Variants in ZBTB20 observed in about 807,000 individuals in gnomAD.
The protein encoded by ZBTB20 is zinc finger and BTB domain-containing protein 20.
In ZBTB20, 9 loss-of-function variants were observed where a neutral mutation model predicts 56.9. The ratio of observed to expected loss-of-function variants is 0.16; its 90% CI spans 0.10 to 0.28. ZBTB20 has a LOEUF of 0.28. Among genes scored for constraint, ZBTB20 ranks in the 10% least tolerant of loss-of-function variants. The pLI is 1.00. For synonymous variants in ZBTB20, 417 were observed against 420.7 expected (o/e 0.99, Z 0.11); for missense variants, 655 against 1,003.0 (o/e 0.65, Z 4.69).
At chr3:114,573,724 C>T (rs1222707742) in intron 6 of ZBTB20, among the ~76,000 whole-genome samples, 1 of 151,934 alleles carries the variant, frequency 6.6e-6, no homozygotes, top group Non-Finnish European at 1.5e-5. Flanking sequence ...TTTGGGGAAA[C>T]TGAAAATCTA....
intron 7 of ZBTB20, among the ~76,000 whole-genome samples, chr3:114,465,727 G>T (rs921247136): frequency 7.9e-5 from 12 of 151,270 alleles, no homozygotes; most frequent in Admixed American, 2.6e-4. Context: ...AAGAAAGAAA[G>T]AAAAGAAAGG....
chr3:114,477,305 C>T (rs560080236), intron 7 of ZBTB20, among the ~76,000 whole-genome samples: 2 of 152,176 alleles, frequency 1.3e-5, no homozygotes, highest in African/African-American at 4.8e-5. Flanking sequence ...TACTGGGCTA[C>T]ATGTTTGATG....
intron 2 of ZBTB20, among the ~76,000 whole-genome samples, chr3:114,992,234 G>C (rs1386340572): frequency 6.6e-6 from 1 of 151,908 alleles, no homozygotes; most frequent in Non-Finnish European, 1.5e-5. Flanking sequence ...AAATATGTCA[G>C]CAACTGAAAA....
In ZBTB20 at chr3:114,707,571, T is replaced by A. The variant is rs555106785; in HGVS notation, c.-342-13996A>T. The stretch of plus-strand genomic sequence containing the variant: ...GCCCGACCCTTTCCCTAGAACAGTT[T>A]TGAAAATGTCGGGAACTCAAAGCTA... On this transcript the variant is annotated intron_variant, in intron 5 of 11. Coordinates refer to ENST00000675478, the MANE Select transcript of ZBTB20 (RefSeq NM_001348800.3). Among the ~76,000 whole-genome samples, 4 of 152,284 alleles carry A rather than the reference T, an allele frequency of 2.6e-5. No individual in the cohort carries two copies. The East Asian group carries it at 7.7e-4, about 29-fold the overall frequency.
At chr3:114,918,546 T>C (rs2075834148) in intron 3 of ZBTB20, among the ~76,000 whole-genome samples, 1 of 152,122 alleles carries the variant, frequency 6.6e-6, no homozygotes, top group Non-Finnish European at 1.5e-5. Context: ...TGCTGCTGAT[T>C]AGGAAAGGCC....
At chr3:114,978,824 T>G (rs1448655955) in intron 2 of ZBTB20, among the ~76,000 whole-genome samples, 1 of 151,946 alleles carries the variant, frequency 6.6e-6, no homozygotes, top group Non-Finnish European at 1.5e-5. Flanking sequence ...AAAAACAAAT[T>G]ACTTTTTATA....
At chr3:114,478,092 G>A (rs1301560079) in intron 7 of ZBTB20, among the ~76,000 whole-genome samples, 1 of 151,572 alleles carries the variant, frequency 6.6e-6, no homozygotes, top group Non-Finnish European at 1.5e-5. Context: ...GAGTTCTCCT[G>A]AGTAGCTGGG....
chr3:114,560,801 A>G (rs2051929203), intron 6 of ZBTB20, among the ~76,000 whole-genome samples: 1 of 152,150 alleles, frequency 6.6e-6, no homozygotes, highest in South Asian at 2.1e-4. Flanking sequence ...ATTTCTTAAA[A>G]TAAGACAACA....
chr3:114,868,956 G>C (rs901757229), intron 4 of ZBTB20, among the ~76,000 whole-genome samples: 2 of 151,982 alleles, frequency 1.3e-5, no homozygotes, highest in Admixed American at 6.6e-5. Flanking sequence ...CATATGATAA[G>C]AATGTTTGTT....
intron 5 of ZBTB20, among the ~76,000 whole-genome samples, chr3:114,779,240 T>TA (rs1344822477): frequency 1.3e-5 from 2 of 152,194 alleles, no homozygotes; most frequent in African/African-American, 4.8e-5. Flanking sequence ...ATCCTTTCTA[T>TA]AAAAAAACTA....
intron 2 of ZBTB20, among the ~76,000 whole-genome samples, chr3:114,989,061 C>A (rs544126272): frequency 6.6e-6 from 1 of 152,224 alleles, no homozygotes; most frequent in Admixed American, 6.5e-5. Context: ...TGCCTGTTCA[C>A]TCTGATGGTA....
At chr3:115,009,637 C>T (rs1014964054) in intron 2 of ZBTB20, among the ~76,000 whole-genome samples, 1 of 151,888 alleles carries the variant, frequency 6.6e-6, no homozygotes, top group Admixed American at 6.6e-5. Context: ...TCCAATGCAA[C>T]AGTGTTGAAA....
At chr3:114,829,756 T>C (rs905928841) in intron 4 of ZBTB20, among the ~76,000 whole-genome samples, 2 of 151,882 alleles carry the variant, frequency 1.3e-5, no homozygotes, top group African/African-American at 4.8e-5. Context: ...TCCCATGCCA[T>C]GCAGTTAGCA....
chr3:114,880,282 C>T (rs2076351185), intron 4 of ZBTB20, among the ~76,000 whole-genome samples: 1 of 152,180 alleles, frequency 6.6e-6, no homozygotes, highest in Non-Finnish European at 1.5e-5. Flanking sequence ...TGCAAGTTTG[C>T]TTTGGAGAAA....
intron 7 of ZBTB20, among the ~76,000 whole-genome samples, chr3:114,498,833 T>C (rs550632268): frequency 2.5e-4 from 38 of 152,272 alleles, no homozygotes; most frequent in African/African-American, 8.9e-4. Context: ...TCCCCCTTGA[T>C]TCCTAATTGG....
At chr3:114,904,711 G>A (rs2107682416) in intron 3 of ZBTB20, among the ~76,000 whole-genome samples, 1 of 152,004 alleles carries the variant, frequency 6.6e-6, no homozygotes, top group Middle Eastern at 3.4e-3. Flanking sequence ...TGCTTATTTT[G>A]TAAATTACTG....
At chr3:114,425,585 C>T (rs140014144) in intron 7 of ZBTB20, among the ~76,000 whole-genome samples, 2,404 of 152,200 alleles carry the variant, frequency 0.016, 71 homozygotes, top group African/African-American at 0.055. Flanking sequence ...CTCAATATTA[C>T]CTTTTGTAAC....
At position 114,844,371 on chromosome 3, in the gene ZBTB20, ATT is replaced by A. The variant is rs1491114488; in HGVS notation, c.-416-43199_-416-43198del. 9.3e-5 allele frequency among the ~76,000 whole-genome samples: 11 copies of A among 118,844 alleles called. No individual in the cohort carries two copies. In the South Asian group the frequency reaches 2.2e-3, roughly 24 times the overall value. 78.0% of individuals were successfully genotyped at this position (118,844 alleles called of 152,430 possible). ...TATATATATATATATATATATATAT[ATT>A]AGCTGAGAGTGGTGGTGCATACCTA... On this transcript the variant is annotated intron_variant, in intron 4 of 11. Coordinates refer to ENST00000675478, the MANE Select transcript of ZBTB20 (RefSeq NM_001348800.3).
chr3:115,147,186 C>G (rs1466851667), intron 1 of ZBTB20, 33 bp downstream of exon 1: 1 of 150,858 alleles, frequency 6.6e-6, no homozygotes, highest in Non-Finnish European at 1.5e-5. Context: ...CTCTCCCGCC[C>G]GTCCCACAAC....
Sources: gnomAD v4.1 joint callset for allele counts (sites outside exome capture counted in the v4.1 genomes callset) on GRCh38, gnomAD v4.1.1 for gene constraint, MANE v1.5 for transcripts, NCBI Gene and HGNC (gene_info 2026-07-23, HGNC 2026-07-21) for gene names.